Variants in CCDC91 observed in about 807,000 individuals in gnomAD.
The protein encoded by CCDC91 is coiled-coil domain-containing protein 91.
In CCDC91, 48 loss-of-function variants were observed where a neutral mutation model predicts 63.2. The ratio of observed to expected loss-of-function variants is 0.76; its 90% CI spans 0.60 to 0.97. CCDC91 has a LOEUF of 0.97. CCDC91 is among the 50% of genes least tolerant of loss of function. CCDC91 has a pLI of 0.00. For missense variants in CCDC91, 500 were observed against 494.6 expected, an observed-to-expected ratio of 1.01 and a Z score of -0.10; for synonymous variants, 167 against 165.8, an observed-to-expected ratio of 1.01 and a Z score of -0.06.
At chr12:28,210,856 A>G (rs6487670) in intron 1 of CCDC91, among the ~76,000 whole-genome samples, 88,459 of 151,430 alleles carry the variant, frequency 0.58, 25,927 homozygotes, top group East Asian at 0.61. Context: ...TTGTGATGGC[A>G]GAGACTGAGA....
intron 11 of CCDC91, 25 bp from the exon 12 acceptor site, chr12:28,484,027 C>A: frequency 6.9e-7 from 1 of 1,439,664 alleles, no homozygotes; most frequent in Non-Finnish European, 9.7e-7. Context: ...ACCTCCCTGA[C>A]TGTTTTGCCT....
At chr12:28,222,026 T>A (rs2135688911) in intron 1 of CCDC91, among the ~76,000 whole-genome samples, 1 of 152,288 alleles carries the variant, frequency 6.6e-6, no homozygotes, top group East Asian at 1.9e-4. Context: ...CTTTGTTTCG[T>A]TTCTTTTGGG....
chr12:28,483,189 AG>A (rs1315632158), intron 11 of CCDC91, among the ~76,000 whole-genome samples: 1 of 152,024 alleles, frequency 6.6e-6, no homozygotes, highest in African/African-American at 2.4e-5. Flanking sequence ...AACTAAGCAA[AG>A]TCATACATAC....
intron 12 of CCDC91, among the ~76,000 whole-genome samples, chr12:28,499,277 A>G (rs1051594981): frequency 9.9e-5 from 15 of 151,696 alleles, no homozygotes; most frequent in African/African-American, 3.1e-4. Context: ...AGTAGTATAC[A>G]TTTAATTCCC....
chr12:28,457,402 AG>A (rs1308791125), intron 11 of CCDC91, among the ~76,000 whole-genome samples: 1 of 151,360 alleles, frequency 6.6e-6, no homozygotes, highest in African/African-American at 2.4e-5. Flanking sequence ...AAAACTAAAA[AG>A]CAACCATAAT....
chr12:28,329,053 A>G (rs1214552280), intron 6 of CCDC91, among the ~76,000 whole-genome samples: 3 of 152,176 alleles, frequency 2.0e-5, no homozygotes, highest in Non-Finnish European at 2.9e-5. Context: ...AAAAATAAAA[A>G]TGCATTTTTC....
intron 7 of CCDC91, among the ~76,000 whole-genome samples, chr12:28,368,226 A>G (rs1944398129): frequency 6.6e-6 from 1 of 152,224 alleles, no homozygotes; most frequent in African/African-American, 2.4e-5. Context: ...ATCAGAAACT[A>G]TGGAGGTCAG....
At chr12:28,395,372 C>T (rs1248027336) in intron 8 of CCDC91, among the ~76,000 whole-genome samples, 3 of 152,050 alleles carry the variant, frequency 2.0e-5, no homozygotes, top group Non-Finnish European at 4.4e-5. Flanking sequence ...CAGCTCAGTC[C>T]CAGAAGACTG....
chr12:28,228,086 A>G (rs1199017447), intron 1 of CCDC91, among the ~76,000 whole-genome samples: 1 of 151,822 alleles, frequency 6.6e-6, no homozygotes, highest in African/African-American at 2.4e-5. Context: ...GCTTCTAGCC[A>G]CCTATCTAGT....
intron 1 of CCDC91, among the ~76,000 whole-genome samples, chr12:28,249,805 G>A (rs528604442): frequency 1.3e-5 from 2 of 151,660 alleles, no homozygotes; most frequent in African/African-American, 4.8e-5. Flanking sequence ...ACAGGCCTGT[G>A]CTCTCTTTTA....
intron 12 of CCDC91, among the ~76,000 whole-genome samples, chr12:28,529,770 C>T (rs1164322992): frequency 1.3e-5 from 2 of 152,116 alleles, no homozygotes; most frequent in Non-Finnish European, 2.9e-5. Flanking sequence ...TGGAAAATAA[C>T]TTGTTTCTCA....
chr12:28,353,065 G>A (rs949363180), intron 6 of CCDC91, among the ~76,000 whole-genome samples: 9 of 152,154 alleles, frequency 5.9e-5, no homozygotes, highest in East Asian at 5.8e-4. Flanking sequence ...ATAATTTGCC[G>A]CAGTTCTACA....
intron 1 of CCDC91, among the ~76,000 whole-genome samples, chr12:28,253,974 T>G (rs1240772211): frequency 6.6e-6 from 1 of 152,212 alleles, no homozygotes; most frequent in African/African-American, 2.4e-5. Flanking sequence ...CACTCTGCCC[T>G]CCTCTGTACA....
intron 12 of CCDC91, among the ~76,000 whole-genome samples, chr12:28,518,720 C>T (rs1940239418): frequency 6.6e-6 from 1 of 151,928 alleles, no homozygotes; most frequent in Non-Finnish European, 1.5e-5. Flanking sequence ...GTCATGAAAT[C>T]CTTGCTTAAG....
chr12:28,253,052 T>A (rs1331351535), intron 1 of CCDC91, among the ~76,000 whole-genome samples: 2 of 152,230 alleles, frequency 1.3e-5, no homozygotes, highest in African/African-American at 4.8e-5. Flanking sequence ...CCATCTTAAC[T>A]CTATAGTCCC....
chr12:28,364,116 T>C (rs1189454734), intron 7 of CCDC91, among the ~76,000 whole-genome samples: 1 of 152,082 alleles, frequency 6.6e-6, no homozygotes, highest in Non-Finnish European at 1.5e-5. Context: ...CAGAGCATGG[T>C]GGTTCACATC....
At chr12:28,460,273 A>T (rs1245403073) in intron 11 of CCDC91, among the ~76,000 whole-genome samples, 1 of 152,144 alleles carries the variant, frequency 6.6e-6, no homozygotes, top group Non-Finnish European at 1.5e-5. Flanking sequence ...TGCGTACTAG[A>T]TGGAGCCCAC....
intron 11 of CCDC91, among the ~76,000 whole-genome samples, chr12:28,458,455 C>T (rs1463839150): frequency 1.8e-3 from 83 of 45,808 alleles, no homozygotes; most frequent in African/African-American, 8.6e-3. Flanking sequence ...ATTTGCACAC[C>T]TTTTTTTTTT....
chr12:28,390,912 C>CT lies in CCDC91; in HGVS notation c.655-385dup, dbSNP rs34476958. 1.5e-4 allele frequency among the ~76,000 whole-genome samples: 22 copies of CT among 149,282 alleles called. 1 individual carries two copies. The highest frequency in any genetic ancestry group is 1.3e-3 in the Admixed American group (19 of 14,878). ...TGTCAGCCAGTGAAATATGTCTGGC[C>CT]TTTTTTTCCTTTTTTCTTTTTCTTT... On this transcript the variant is annotated intron_variant, in intron 7 of 12. Transcript: ENST00000536442.
Sources: gnomAD v4.1 joint callset for allele counts (sites outside exome capture counted in the v4.1 genomes callset) on GRCh38, gnomAD v4.1.1 for gene constraint, MANE v1.5 for transcripts, NCBI Gene and HGNC (gene_info 2026-07-23, HGNC 2026-07-21) for gene names.